The following LAPTM4A variants were observed in gnomAD, a reference collection of about 807,000 sequenced individuals.
The protein encoded by LAPTM4A is lysosomal protein transmembrane 4 alpha, also known as lysosomal-associated transmembrane protein 4A.
A neutral mutation model predicts 29.9 loss-of-function variants in LAPTM4A; 19 were observed. The ratio of observed to expected loss-of-function variants is 0.64; its 90% confidence interval spans 0.44 to 0.93. The LOEUF (loss-of-function observed/expected upper bound fraction) is 0.93. LAPTM4A is among the 40% of genes least tolerant of loss of function. The pLI, the probability that LAPTM4A is intolerant of heterozygous loss-of-function variation, is 0.00. For synonymous variants in LAPTM4A, 105 were observed against 102.1 expected (o/e 1.03, Z -0.17); for missense variants, 293 against 288.5 (o/e 1.02, Z -0.11).
At chr2:20,038,488 C>T (rs944567079) in intron 2 of LAPTM4A, among the ~76,000 whole-genome samples, 2 of 152,112 alleles carry the variant, frequency 1.3e-5, no homozygotes, top group African/African-American at 2.4e-5. Flanking sequence ...TGCAGTGGCG[C>T]GATCTCGGCT....
rs1673596278 is a variant in LAPTM4A at position 20,033,021 on chromosome 2, TAACAAAAAAACAAAAAGACG to T, written c.*164_*183del. The T allele has an allele frequency of 1.7e-6, 1 of 582,434 alleles. No individual in the cohort carries two copies. The highest frequency in any genetic ancestry group is 1.9e-5 in the African/African-American group (1 of 53,664). 36.1% of individuals were successfully genotyped at this position (582,434 alleles called of 1,614,324 possible). The stretch of plus-strand genomic sequence containing the variant: ...AAAAACTATTAAAATGTAAAAGACT[TAACAAAAAAACAAAAAGACG>T]TTTAACAGATGTCAAAAAGCTCCTT... On this transcript the variant is annotated 3_prime_UTR_variant, in exon 7 of 7. Coordinates refer to ENST00000175091, the MANE Select transcript of LAPTM4A (RefSeq NM_014713.5).
Position 20,040,726 on chromosome 2 carries a change from A to G in LAPTM4A, c.232+165T>C, listed in dbSNP as rs1673775711. ...AGTCTCTACCACATCGCCTAGGTGTATAGTAGGCTACGCTATCTAGGTTTG... is the reference window on the plus strand; with the variant it reads ...AGTCTCTACCACATCGCCTAGGTGTGTAGTAGGCTACGCTATCTAGGTTTG... On this transcript the variant is annotated intron_variant, in intron 2 of 6. Coordinates refer to ENST00000175091, the MANE Select transcript of LAPTM4A (RefSeq NM_014713.5). Among the ~76,000 whole-genome samples the G allele has an allele frequency of 2.0e-5, 3 of 152,234 alleles. No homozygotes were observed. In the South Asian group the frequency reaches 6.2e-4, roughly 31 times the overall value.
Position 20,047,855 on chromosome 2 carries a change from TAATAA to T in LAPTM4A, c.111+3550_111+3554del, listed in dbSNP as rs773377039. ...ACTTTTGTATGTATGAAAATTTCCT[TAATAA>T]AATTTTTAGAAAGTGACTTGGGAGG... is the stretch of plus-strand genomic sequence containing the variant. On this transcript the variant is annotated intron_variant, in intron 1 of 6. Coordinates refer to ENST00000175091, the MANE Select transcript of LAPTM4A (RefSeq NM_014713.5). Among the ~76,000 whole-genome samples, 62 of 152,324 alleles carry T rather than the reference TAATAA, an allele frequency of 4.1e-4. No homozygotes were observed. The East Asian group carries it at 8.7e-3, about 21-fold the overall frequency.
Position 20,034,300 on chromosome 2 carries a change from A to C in LAPTM4A, c.627+17T>G, listed in dbSNP as rs1374174026. 6.4e-7 allele frequency: 1 copy of C among 1,556,760 alleles called. No individual in the cohort carries two copies. The highest frequency in any genetic ancestry group is 1.1e-5 in the South Asian group (1 of 89,920). Reference sequence around the variant, plus strand: ...ATAGTGACTGGTGACCTTTTACTCTATCCAACAGTAGCTAACCTGAGGAGG... The same window carrying C: ...ATAGTGACTGGTGACCTTTTACTCTCTCCAACAGTAGCTAACCTGAGGAGG... On this transcript the variant is annotated intron_variant, in intron 6 of 6. Transcript: ENST00000175091.
At position 20,037,334 on chromosome 2, in the gene LAPTM4A, T is replaced by C. The variant is rs1673698338; in HGVS notation, c.414A>G (p.Lys138=). 6 of 1,612,326 alleles carry C rather than the reference T, an allele frequency of 3.7e-6. No homozygotes were observed. Among genetic ancestry groups the C allele is most frequent in the Non-Finnish European group, 5.1e-6 (6 of 1,179,178 alleles). ...ISSLTYLPRI[K]EYLDQLPDFP... ...CACTTACTAGTTGATCCAGATATTC[T>C]TTGATTCTTGGCAAATAGGTGAGAG... is the stretch of plus-strand genomic sequence containing the variant. Residue 138 remains lysine, a synonymous_variant, in exon 4 of 7, where the codon AAA becomes AAG. Coordinates refer to ENST00000175091, the MANE Select transcript of LAPTM4A (RefSeq NM_014713.5).
chr2:20,034,608 A>G (rs1673641333), intron 5 of LAPTM4A, among the ~76,000 whole-genome samples, 193 bp from the exon 6 acceptor site: 1 of 152,184 alleles, frequency 6.6e-6, no homozygotes, highest in Non-Finnish European at 1.5e-5. Context: ...CATCGCCAAC[A>G]TTTCAGAGAG....
chr2:20,039,434 T>C (rs1572397625), intron 2 of LAPTM4A, among the ~76,000 whole-genome samples: 1 of 152,186 alleles, frequency 6.6e-6, no homozygotes, highest in Non-Finnish European at 1.5e-5. Context: ...AAAGCAAAAT[T>C]TGTAATTCAA....
rs191123337 is a variant in LAPTM4A, at chr2:20,036,654, C to T, written c.432+662G>A. 6.6e-5 allele frequency among the ~76,000 whole-genome samples: 10 copies of T among 152,298 alleles called. No individual in the cohort carries two copies. The East Asian group carries it at 1.9e-3, about 29-fold the overall frequency. ...TGAAAGACAGCACTTTGGAAATGAACTGAGGATACTCCTGCCAATTTTCAT... is the reference window on the plus strand; with the variant it reads ...TGAAAGACAGCACTTTGGAAATGAATTGAGGATACTCCTGCCAATTTTCAT... On this transcript the variant is annotated intron_variant, in intron 4 of 6. Coordinates refer to ENST00000175091, the MANE Select transcript of LAPTM4A (RefSeq NM_014713.5).
intron 4 of LAPTM4A, among the ~76,000 whole-genome samples, chr2:20,036,693 A>G (rs1005710010): frequency 3.3e-5 from 5 of 151,824 alleles, no homozygotes; most frequent in Admixed American, 6.6e-5. Flanking sequence ...CCTAGATCCC[A>G]TATCTCCTTC....
intron 4 of LAPTM4A, chr2:20,035,306 G>T (rs536556076): frequency 2.3e-6 from 1 of 442,956 alleles, no homozygotes; most frequent in Non-Finnish European, 4.1e-6. Context: ...AATTTAGCTC[G>T]TTTTCTCTTT....
chr2:20,036,268 T>C (rs1359230229), intron 4 of LAPTM4A, among the ~76,000 whole-genome samples: 1 of 152,228 alleles, frequency 6.6e-6, no homozygotes, highest in East Asian at 1.9e-4. Flanking sequence ...CAGCTTCTAG[T>C]GCCCTCACTA....
intron 1 of LAPTM4A, among the ~76,000 whole-genome samples, chr2:20,050,370 C>G (rs534339509): frequency 2.3e-4 from 35 of 152,210 alleles, no homozygotes; most frequent in Non-Finnish European, 4.4e-4. Flanking sequence ...TCTGGGATAA[C>G]TCTCTTCCTC....
chr2:20,034,309 T>C lies in LAPTM4A; in HGVS notation c.627+8A>G, dbSNP rs191292332. On this transcript the variant is annotated splice_region_variant and intron_variant, in intron 6 of 6. Coordinates refer to ENST00000175091, the MANE Select transcript of LAPTM4A (RefSeq NM_014713.5). ...GGTGACCTTTTACTCTATCCAACAG[T>C]AGCTAACCTGAGGAGGTGCTTCAAA... 6.8e-5 allele frequency: 108 copies of C among 1,592,904 alleles called. No individual in the cohort carries two copies. The highest frequency in any genetic ancestry group is 8.5e-5 in the Non-Finnish European group (99 of 1,160,644).
intron 4 of LAPTM4A, 27 bp from the exon 5 acceptor site, chr2:20,035,089 C>G (rs765443546): frequency 1.4e-5 from 21 of 1,515,526 alleles, no homozygotes; most frequent in Admixed American, 1.7e-5. Flanking sequence ...CACACATTTA[C>G]AAGTCAGCCA....
intron 5 of LAPTM4A, 50 bp from the exon 6 acceptor site, chr2:20,034,465 C>T (rs776030598): frequency 8.0e-7 from 1 of 1,246,056 alleles, no homozygotes; most frequent in African/African-American, 1.5e-5. Flanking sequence ...CAACAGACTA[C>T]CTGCTCTAAA....
At chr2:20,036,029 T>C (rs1673669557) in intron 4 of LAPTM4A, among the ~76,000 whole-genome samples, 2 of 152,122 alleles carry the variant, frequency 1.3e-5, no homozygotes, top group Admixed American at 1.3e-4. Context: ...TTGATCTTCA[T>C]CTATAAACAA....
intron 1 of LAPTM4A, among the ~76,000 whole-genome samples, chr2:20,046,665 A>ATATG (rs1490165583): frequency 1.4e-5 from 2 of 147,562 alleles, no homozygotes; most frequent in Non-Finnish European, 3.0e-5. Context: ...GCTAATATAT[A>ATATG]TATGTATGTA....
chr2:20,041,822 C>T (rs1350836433), intron 1 of LAPTM4A, among the ~76,000 whole-genome samples: 2 of 152,180 alleles, frequency 1.3e-5, no homozygotes, highest in African/African-American at 4.8e-5. Flanking sequence ...AGGCGTGAGC[C>T]ACCACGCCCG....
intron 1 of LAPTM4A, 129 bp from the exon 2 acceptor site, chr2:20,041,140 A>T (rs1673788548): frequency 1.4e-6 from 1 of 740,726 alleles, no homozygotes; most frequent in African/African-American, 1.8e-5. Context: ...ATAGTGGGAG[A>T]CTACCTGTGA....
Sources: allele counts gnomAD v4.1 joint callset (sites outside exome capture counted in the v4.1 genomes callset), GRCh38; gene constraint gnomAD v4.1.1; transcripts MANE v1.5; gene names NCBI Gene and HGNC (gene_info 2026-07-23, HGNC 2026-07-21).